PTPN11: variants seen among roughly 807,000 people sequenced by gnomAD.
PTPN11 encodes the protein protein tyrosine phosphatase non-receptor type 11, also known as tyrosine-protein phosphatase non-receptor type 11.
Under a neutral mutation model 78.8 loss-of-function variants are expected in PTPN11, and 6 were observed. The observed-to-expected ratio is 0.08, with a 90% CI of 0.04 to 0.15. The LOEUF (loss-of-function observed/expected upper bound fraction) is 0.15. PTPN11 is among the 10% of genes least tolerant of loss of function. The pLI is 1.00. For synonymous variants in PTPN11, 221 were observed against 263.5 expected, an observed-to-expected ratio of 0.84 and a Z score of 1.56; for missense variants, 386 against 744.8, an observed-to-expected ratio of 0.52 and a Z score of 5.61.
intron 6 of PTPN11, among the ~76,000 whole-genome samples, chr12:112,464,537 C>T (rs1301430684): frequency 6.6e-6 from 1 of 152,080 alleles, no homozygotes; most frequent in Non-Finnish European, 1.5e-5. Flanking sequence ...GTTCTTGTGC[C>T]TCAGCCACCC....
At chr12:112,434,298 A>T (rs2037756423) in intron 1 of PTPN11, among the ~76,000 whole-genome samples, 1 of 151,280 alleles carries the variant, frequency 6.6e-6, no homozygotes, top group South Asian at 2.1e-4. Context: ...ACAACCAAAA[A>T]AACCCAGCAA....
chr12:112,455,905 C>G, intron 5 of PTPN11, 45 bp from the exon 6 acceptor site: 127 of 761,170 alleles, frequency 1.7e-4, no homozygotes, highest in Non-Finnish European at 2.4e-4. Flanking sequence ...ACACCGTTTT[C>G]TGTAATATTT....
At chr12:112,501,190 G>C (rs990746563) in intron 13 of PTPN11, among the ~76,000 whole-genome samples, 9 of 152,256 alleles carry the variant, frequency 5.9e-5, no homozygotes, top group African/African-American at 2.2e-4. Context: ...GTGCCTATAG[G>C]AGTAGAAAAG....
intron 13 of PTPN11, among the ~76,000 whole-genome samples, chr12:112,492,349 G>A (rs1317232988): frequency 6.6e-6 from 1 of 151,948 alleles, no homozygotes; most frequent in Non-Finnish European, 1.5e-5. Context: ...GACTACAGGC[G>A]TAGCAAAAAA....
intron 1 of PTPN11, among the ~76,000 whole-genome samples, chr12:112,425,004 G>GTGTGTA (rs1328956291): frequency 7.2e-6 from 1 of 139,128 alleles, no homozygotes; most frequent in Non-Finnish European, 1.5e-5. Context: ...GTGTGTGTGT[G>GTGTGTA]TGTGTATGTA....
At chr12:112,439,515 C>A (rs2037848532) in intron 1 of PTPN11, among the ~76,000 whole-genome samples, 4 of 152,020 alleles carry the variant, frequency 2.6e-5, no homozygotes, top group African/African-American at 9.7e-5. Context: ...TTTGTTCAGG[C>A]TGGAGTGCAG....
Position 112,424,883 on chromosome 12 carries a change from GTGTGTGTA to G in PTPN11, c.14+5766_14+5773del, listed in dbSNP as rs1171781993. 7.7e-4 allele frequency among the ~76,000 whole-genome samples: 110 copies of G among 142,382 alleles called. 10 individuals are homozygous for G. The East Asian group carries it at 0.013, about 17-fold the overall frequency. 93.4% of individuals were successfully genotyped at this position (142,382 alleles called of 152,430 possible). On this transcript the variant is annotated intron_variant, in intron 1 of 15. Transcript: ENST00000351677. ...TCAGGCTAATTGTGTGTGTGTGTGT[GTGTGTGTA>G]TGTGTGTGTGTGTGTGTGTGTGTGT... is the stretch of plus-strand genomic sequence containing the variant.
At chr12:112,448,298 C>T (rs530024206) in intron 2 of PTPN11, among the ~76,000 whole-genome samples, 1 of 151,846 alleles carries the variant, frequency 6.6e-6, no homozygotes, top group South Asian at 2.1e-4. Context: ...GCAACCTCCA[C>T]CTCCTGGGTT....
At chr12:112,478,729 CTGT>C (rs748246833) in intron 9 of PTPN11, among the ~76,000 whole-genome samples, 1 of 151,946 alleles carries the variant, frequency 6.6e-6, no homozygotes, top group South Asian at 2.1e-4. Context: ...TGGAGTATTT[CTGT>C]TGTTGTTTTT....
At chr12:112,470,768 A>G (rs2038402690) in intron 6 of PTPN11, among the ~76,000 whole-genome samples, 1 of 151,998 alleles carries the variant, frequency 6.6e-6, no homozygotes, top group African/African-American at 2.4e-5. Flanking sequence ...CTCCCCCGGT[A>G]TGTATTTTTT....
At chr12:112,425,098 C>T (rs1215211753) in intron 1 of PTPN11, among the ~76,000 whole-genome samples, 1 of 151,676 alleles carries the variant, frequency 6.6e-6, no homozygotes, top group Non-Finnish European at 1.5e-5. Context: ...AGGTGATCCA[C>T]CCGCCTCGGC....
intron 1 of PTPN11, among the ~76,000 whole-genome samples, chr12:112,442,345 T>C (rs921927510): frequency 1.3e-5 from 2 of 152,120 alleles, no homozygotes; most frequent in Non-Finnish European, 2.9e-5. Context: ...TGGAATATTT[T>C]TATTATATAC....
chr12:112,471,193 C>T (rs550785212), intron 6 of PTPN11, among the ~76,000 whole-genome samples: 1 of 152,262 alleles, frequency 6.6e-6, no homozygotes, highest in East Asian at 1.9e-4. Context: ...GGAAATAAAA[C>T]AGGGCTGCTG....
At chr12:112,480,253 G>C (rs1451663474) in intron 9 of PTPN11, among the ~76,000 whole-genome samples, 1 of 152,020 alleles carries the variant, frequency 6.6e-6, no homozygotes, top group Non-Finnish European at 1.5e-5. Context: ...TATTAGGAGT[G>C]CTCATTTGGG....
intron 6 of PTPN11, 136 bp from the exon 7 acceptor site, chr12:112,472,808 A>C: frequency 1.2e-6 from 1 of 814,322 alleles, no homozygotes; most frequent in Admixed American, 1.9e-5. Context: ...ACCCAGATGA[A>C]CATTCTTGTA....
At chr12:112,502,604 G>A (rs564448858) in intron 14 of PTPN11, among the ~76,000 whole-genome samples, 5 of 152,194 alleles carry the variant, frequency 3.3e-5, no homozygotes, top group Admixed American at 6.5e-5. Flanking sequence ...AAAATTAGCC[G>A]GGCATGGTGG....
chr12:112,435,781 C>A (rs2037779748), intron 1 of PTPN11, among the ~76,000 whole-genome samples: 1 of 149,192 alleles, frequency 6.7e-6, no homozygotes, highest in South Asian at 2.1e-4. Flanking sequence ...TGGCAAAAGA[C>A]AGAAAAAAAA....
chr12:112,501,480 C>A (rs1477024987), intron 13 of PTPN11, among the ~76,000 whole-genome samples: 1 of 152,092 alleles, frequency 6.6e-6, no homozygotes, highest in East Asian at 1.9e-4. Flanking sequence ...AAAAAGTTAG[C>A]TGGGCATGGT....
At chr12:112,496,257 C>T (rs2135923983) in intron 13 of PTPN11, among the ~76,000 whole-genome samples, 1 of 152,282 alleles carries the variant, frequency 6.6e-6, no homozygotes, top group African/African-American at 2.4e-5. Flanking sequence ...GACATGTCCC[C>T]ACCCTCTCGT....
Sources: allele counts gnomAD v4.1 joint callset (sites outside exome capture counted in the v4.1 genomes callset), GRCh38; gene constraint gnomAD v4.1.1; transcripts MANE v1.5; gene names NCBI Gene and HGNC (gene_info 2026-07-23, HGNC 2026-07-21).